Variants in WWOX observed in about 807,000 individuals in gnomAD.
WWOX encodes the protein WW domain-containing oxidoreductase.
WWOX carries 69 observed loss-of-function variants against 46.2 expected under a neutral mutation model. The observed-to-expected ratio is 1.49, with a 90% CI of 1.23 to 1.82. WWOX has a LOEUF of 1.82. Ranked by LOEUF, WWOX falls within the 40% of genes most tolerant of loss-of-function variation. WWOX has a pLI of 0.00. For synonymous variants in WWOX, 359 were observed against 202.6 expected (o/e 1.77, Z -6.56); for missense variants, 919 against 542.6 (o/e 1.69, Z -6.89).
intron 8 of WWOX, among the ~76,000 whole-genome samples, chr16:78,687,652 G>C (rs2047893498): frequency 6.6e-6 from 1 of 152,154 alleles, no homozygotes; most frequent in African/African-American, 2.4e-5. Context: ...CCCTTGGTTA[G>C]CACAGCCTCT....
chr16:78,450,109 A>T (rs556248149), intron 8 of WWOX, among the ~76,000 whole-genome samples: 2 of 152,318 alleles, frequency 1.3e-5, no homozygotes, highest in African/African-American at 2.4e-5. Context: ...TATAGTTTTC[A>T]TGTTATAAAG....
At chr16:79,110,414 C>T (rs751668808) in intron 8 of WWOX, among the ~76,000 whole-genome samples, 1 of 152,100 alleles carries the variant, frequency 6.6e-6, no homozygotes, top group Non-Finnish European at 1.5e-5. Flanking sequence ...GCTCTGAGCC[C>T]AAGGAGCAAG....
intron 5 of WWOX, among the ~76,000 whole-genome samples, chr16:78,356,351 G>C (rs540077444): frequency 6.6e-6 from 1 of 151,906 alleles, no homozygotes; most frequent in East Asian, 1.9e-4. Flanking sequence ...TAAAATAAGA[G>C]CACAACCTAT....
chr16:78,995,343 C>G (rs544738804), intron 8 of WWOX, among the ~76,000 whole-genome samples: 2 of 152,124 alleles, frequency 1.3e-5, no homozygotes, highest in African/African-American at 4.8e-5. Flanking sequence ...GCCTACAGGT[C>G]ATCCCTGAGA....
At chr16:78,502,462 T>C (rs1242967471) in intron 8 of WWOX, among the ~76,000 whole-genome samples, 1 of 152,238 alleles carries the variant, frequency 6.6e-6, no homozygotes, top group Non-Finnish European at 1.5e-5. Context: ...GTCTGGTTTC[T>C]TCCTCTTAGC....
intron 8 of WWOX, among the ~76,000 whole-genome samples, chr16:78,492,561 T>A (rs1303793303): frequency 6.6e-6 from 1 of 152,214 alleles, no homozygotes; most frequent in Non-Finnish European, 1.5e-5. Context: ...CCCTGGGGAC[T>A]AAGCCCAGGA....
intron 8 of WWOX, among the ~76,000 whole-genome samples, chr16:78,731,059 A>G (rs2048958466): frequency 6.6e-6 from 1 of 152,184 alleles, no homozygotes; most frequent in Non-Finnish European, 1.5e-5. Context: ...TGTTGATTTA[A>G]GAAAATGTTG....
Position 78,422,844 on chromosome 16 carries a change from TACACACACACAC to T in WWOX, c.606-1996_606-1985del, listed in dbSNP as rs370327902. On this transcript the variant is annotated intron_variant, in intron 6 of 8. Coordinates refer to ENST00000566780, the MANE Select transcript of WWOX (RefSeq NM_016373.4). ...ACACACACATATATATATATACATATACACACACACACACACACACACACACACACACACACA... is the reference window on the plus strand; with the variant it reads ...ACACACACATATATATATATACATATACACACACACACACACACACACACA... Among the ~76,000 whole-genome samples the T allele has an allele frequency of 2.2e-3, 235 of 105,110 alleles. 3 individuals carry two copies. The highest frequency in any genetic ancestry group is 3.1e-3 in the Admixed American group (30 of 9,528). The allele number at this position is 105,110 out of a possible 152,430, so 69.0% of individuals were successfully genotyped here.
chr16:79,177,514 C>A (rs1478884374), intron 8 of WWOX, among the ~76,000 whole-genome samples: 1 of 152,124 alleles, frequency 6.6e-6, no homozygotes, highest in Admixed American at 6.6e-5. Flanking sequence ...CCCTCAAATC[C>A]CTCTCCTTCC....
Position 78,422,704 on chromosome 16 carries a change from T to C in WWOX, c.606-2166T>C, listed in dbSNP as rs1227310637. On this transcript the variant is annotated intron_variant, in intron 6 of 8. Coordinates refer to ENST00000566780, the MANE Select transcript of WWOX (RefSeq NM_016373.4). ...ATATATACACACACACACACACATA[T>C]ATATATACACACACACATATATATA... Among the ~76,000 whole-genome samples the C allele has an allele frequency of 1.3e-4, 15 of 113,084 alleles. 1 individual carries two copies. The highest frequency in any genetic ancestry group is 3.1e-4 in the African/African-American group (9 of 29,206). 74.2% of individuals were successfully genotyped at this position (113,084 alleles called of 152,430 possible). A position where few individuals can be genotyped will look rare whatever the true frequency, so the allele number is the denominator to read the frequency against.
chr16:78,508,210 C>T (rs945155485), intron 8 of WWOX, among the ~76,000 whole-genome samples: 4 of 151,616 alleles, frequency 2.6e-5, no homozygotes, highest in African/African-American at 9.7e-5. Flanking sequence ...AGGGTTTCGC[C>T]ATGTTGGCCG....
chr16:78,356,194 A>G (rs1186675050), intron 5 of WWOX, among the ~76,000 whole-genome samples: 1 of 151,884 alleles, frequency 6.6e-6, no homozygotes, highest in Non-Finnish European at 1.5e-5. Flanking sequence ...CTCAAAATAA[A>G]TAAATAAAAA....
intron 8 of WWOX, among the ~76,000 whole-genome samples, chr16:78,992,051 G>T (rs976082840): frequency 6.6e-6 from 1 of 152,062 alleles, no homozygotes; most frequent in East Asian, 1.9e-4. Flanking sequence ...CCTTTCACAT[G>T]CATGCATTAA....
chr16:79,007,704 C>T (rs1471384955), intron 8 of WWOX, among the ~76,000 whole-genome samples: 1 of 152,214 alleles, frequency 6.6e-6, no homozygotes, highest in African/African-American at 2.4e-5. Context: ...CATCAAGTGA[C>T]TCACCCGGTA....
intron 4 of WWOX, chr16:78,129,985 C>A (rs1020741281): frequency 6.6e-6 from 1 of 152,030 alleles, no homozygotes; most frequent in African/African-American, 2.4e-5. Context: ...GCTGTTCTCA[C>A]GATAATGAGT....
intron 8 of WWOX, among the ~76,000 whole-genome samples, chr16:78,600,156 C>T (rs886814981): frequency 2.6e-5 from 4 of 152,130 alleles, no homozygotes; most frequent in African/African-American, 4.8e-5. Flanking sequence ...TTCACTATCA[C>T]GAGTAAAGCA....
intron 8 of WWOX, among the ~76,000 whole-genome samples, chr16:78,929,929 T>A (rs1268444287): frequency 1.3e-5 from 2 of 152,158 alleles, no homozygotes; most frequent in Non-Finnish European, 2.9e-5. Flanking sequence ...TACACGGTAG[T>A]TCAGGATAAA....
At chr16:78,647,728 A>T (rs1414713120) in intron 8 of WWOX, among the ~76,000 whole-genome samples, 2 of 152,206 alleles carry the variant, frequency 1.3e-5, no homozygotes, top group African/African-American at 4.8e-5. Context: ...CTGGCTGGTA[A>T]GTGGCAGATC....
intron 5 of WWOX, among the ~76,000 whole-genome samples, chr16:78,271,630 G>A (rs72790052): frequency 0.044 from 6,652 of 152,264 alleles, 273 homozygotes; most frequent in East Asian, 0.22. Context: ...CCAGTGAGGT[G>A]GAGCCTCTGA....
Sources: gnomAD v4.1 joint callset for allele counts (sites outside exome capture counted in the v4.1 genomes callset) on GRCh38, gnomAD v4.1.1 for gene constraint, MANE v1.5 for transcripts, NCBI Gene and HGNC (gene_info 2026-07-23, HGNC 2026-07-21) for gene names.